Variants in NPAS3 observed in about 807,000 individuals in gnomAD.
The protein encoded by NPAS3 is neuronal PAS domain-containing protein 3.
Under a neutral mutation model 73.1 loss-of-function variants are expected in NPAS3, and 14 were observed. That is an observed-to-expected ratio of 0.19 (90% CI 0.13 to 0.30). The LOEUF (loss-of-function observed/expected upper bound fraction) is 0.30. Among genes scored for constraint, NPAS3 ranks in the 10% least tolerant of loss-of-function variants. The pLI, the probability that NPAS3 is intolerant of heterozygous loss-of-function variation, is 1.00. For missense variants in NPAS3, 1,096 were observed against 1,250.0 expected, an observed-to-expected ratio of 0.88 and a Z score of 1.86; for synonymous variants, 620 against 541.5, an observed-to-expected ratio of 1.14 and a Z score of -2.01.
At chr14:33,515,829 T>C (rs1048236603) in intron 4 of NPAS3, among the ~76,000 whole-genome samples, 2 of 152,120 alleles carry the variant, frequency 1.3e-5, no homozygotes, top group Admixed American at 6.6e-5. Flanking sequence ...TACGATCTCT[T>C]TTCCTCTTTC....
chr14:33,468,937 A>G (rs2050654355), intron 4 of NPAS3, among the ~76,000 whole-genome samples: 1 of 152,204 alleles, frequency 6.6e-6, no homozygotes, highest in Admixed American at 6.5e-5. Flanking sequence ...GTTGGAATCC[A>G]AAAGACCGAA....
intron 3 of NPAS3, among the ~76,000 whole-genome samples, chr14:33,366,241 T>C (rs2045835369): frequency 6.6e-6 from 1 of 152,024 alleles, no homozygotes; most frequent in African/African-American, 2.4e-5. Context: ...GAATAGTTCA[T>C]TGCTCAATTA....
intron 5 of NPAS3, among the ~76,000 whole-genome samples, chr14:33,630,942 A>G (rs2058360972): frequency 6.6e-6 from 1 of 152,244 alleles, no homozygotes; most frequent in African/African-American, 2.4e-5. Flanking sequence ...AAGCGAAGCC[A>G]GCTATTCCTG....
rs5807694 is a variant in NPAS3, at chr14:32,946,346, G to GCACGCA, written c.50+6981_50+6982insACGCAC. ...CCCCATCCCCCCAACACACACACAC[G>GCACGCA]CGCACACACACACACACACACACAC... On this transcript the variant is annotated intron_variant, in intron 1 of 11. Coordinates refer to ENST00000356141, the Ensembl canonical transcript of NPAS3. Among the ~76,000 whole-genome samples the GCACGCA allele has an allele frequency of 2.5e-4, 33 of 131,972 alleles. 1 individual carries two copies. In the South Asian group the frequency reaches 8.1e-3, roughly 32 times the overall value. 86.6% of individuals were successfully genotyped at this position (131,972 alleles called of 152,430 possible).
intron 3 of NPAS3, among the ~76,000 whole-genome samples, chr14:33,237,683 C>G (rs963555421): frequency 6.6e-6 from 1 of 151,940 alleles, no homozygotes; most frequent in African/African-American, 2.4e-5. Flanking sequence ...AAAGTTCAAT[C>G]AGGAAAATAC....
chr14:33,037,653 C>T (rs999826569), intron 1 of NPAS3, among the ~76,000 whole-genome samples: 1 of 151,912 alleles, frequency 6.6e-6, no homozygotes, highest in Non-Finnish European at 1.5e-5. Flanking sequence ...GCAACGGAGG[C>T]AGACCCTGTC....
intron 1 of NPAS3, among the ~76,000 whole-genome samples, chr14:33,052,789 T>C (rs986777176): frequency 1.3e-5 from 2 of 152,198 alleles, no homozygotes; most frequent in East Asian, 3.9e-4. Context: ...GTTTTCTGTC[T>C]ATAATTTTGA....
At chr14:32,971,304 C>T (rs562118475) in intron 1 of NPAS3, among the ~76,000 whole-genome samples, 2 of 152,104 alleles carry the variant, frequency 1.3e-5, no homozygotes, top group African/African-American at 2.4e-5. Context: ...AGGCTGGTCT[C>T]GAATTCCTGA....
At chr14:33,464,843 G>A (rs778980166) in intron 4 of NPAS3, among the ~76,000 whole-genome samples, 5 of 152,176 alleles carry the variant, frequency 3.3e-5, no homozygotes, top group Non-Finnish European at 7.3e-5. Context: ...AAAGGCTTGG[G>A]CTCCTCTGGC....
intron 4 of NPAS3, among the ~76,000 whole-genome samples, chr14:33,424,740 G>A (rs1035868468): frequency 1.8e-4 from 27 of 151,368 alleles, no homozygotes; most frequent in Non-Finnish European, 2.9e-4. Flanking sequence ...GTTAGAAGGG[G>A]GTGGGAATAG....
At chr14:33,308,527 T>TATATATACACACACACACACAC in intron 3 of NPAS3, among the ~76,000 whole-genome samples, 1 of 103,724 alleles carries the variant, frequency 9.6e-6, no homozygotes, top group African/African-American at 4.6e-5. Flanking sequence ...TATATATATA[T>TATATATACACACACACACACAC]ACATACACAC....
chr14:33,657,064 T>G (rs994873481), intron 5 of NPAS3, among the ~76,000 whole-genome samples: 2 of 152,194 alleles, frequency 1.3e-5, no homozygotes, highest in Non-Finnish European at 2.9e-5. Context: ...CCATTTGTAA[T>G]GCCAATGAAC....
At position 32,999,107 on chromosome 14, in the gene NPAS3, G is replaced by A. The variant is rs141165129; in HGVS notation, c.51-56798G>A. 3.8e-3 allele frequency among the ~76,000 whole-genome samples: 584 copies of A among 152,200 alleles called. 5 individuals carry two copies. The highest frequency in any genetic ancestry group is 0.013 in the African/African-American group (554 of 41,506). On this transcript the variant is annotated intron_variant, in intron 1 of 11. Coordinates refer to ENST00000356141, the Ensembl canonical transcript of NPAS3. ...TTTAGTTTTTTGAATAGCAATTTTT[G>A]CTTCTTTAATTTCAGCTGTTGATTG...
At chr14:33,411,543 A>G (rs1247068054) in intron 4 of NPAS3, among the ~76,000 whole-genome samples, 3 of 152,178 alleles carry the variant, frequency 2.0e-5, no homozygotes, top group Non-Finnish European at 4.4e-5. Flanking sequence ...GATAGAAGCC[A>G]GGGTTACTGT....
intron 2 of NPAS3, among the ~76,000 whole-genome samples, chr14:33,103,240 T>C (rs759555206): frequency 5.0e-4 from 76 of 152,134 alleles, no homozygotes; most frequent in Non-Finnish European, 8.5e-4. Context: ...CCATAGTCAG[T>C]AGAAGCCCTG....
intron 2 of NPAS3, among the ~76,000 whole-genome samples, chr14:33,138,182 C>T (rs541848303): frequency 2.0e-5 from 3 of 151,182 alleles, no homozygotes; most frequent in Admixed American, 6.6e-5. Flanking sequence ...TTAGGTATAT[C>T]TCCAAATGCT....
chr14:32,938,457 AAGAGAGAGAG>A (rs139406191), upstream of NPAS3, among the ~76,000 whole-genome samples: 3 of 68,668 alleles, frequency 4.4e-5, no homozygotes, highest in Admixed American at 2.8e-4. Flanking sequence ...CCCAACGAGA[AAGAGAGAGAG>A]AGAGAGAGAG....
intron 4 of NPAS3, among the ~76,000 whole-genome samples, chr14:33,507,369 A>G (rs2052815621): frequency 6.6e-6 from 1 of 152,088 alleles, no homozygotes; most frequent in Non-Finnish European, 1.5e-5. Context: ...CATCTTGTGC[A>G]GGAAGTAAAA....
intron 1 of NPAS3, among the ~76,000 whole-genome samples, chr14:32,959,359 A>T (rs1412226734): frequency 6.6e-6 from 1 of 152,208 alleles, no homozygotes; most frequent in Non-Finnish European, 1.5e-5. Flanking sequence ...GTGTGTGCAC[A>T]TGTATGCATC....
Sources: gnomAD v4.1 joint callset for allele counts (sites outside exome capture counted in the v4.1 genomes callset) on GRCh38, gnomAD v4.1.1 for gene constraint, MANE v1.5 for transcripts, NCBI Gene and HGNC (gene_info 2026-07-23, HGNC 2026-07-21) for gene names.